The following CALML4 variants were observed in gnomAD, a reference collection of about 807,000 sequenced individuals.
CALML4 encodes the protein calmodulin-like protein 4.
A neutral mutation model predicts 17.9 loss-of-function variants in CALML4; 16 were observed. That is an observed-to-expected ratio of 0.89 (90% CI 0.61 to 1.36). The LOEUF (loss-of-function observed/expected upper bound fraction) is 1.36. CALML4 is among the 40% of genes most tolerant of loss of function. The pLI is 0.00. For synonymous variants in CALML4, 86 were observed against 71.5 expected (o/e 1.20, Z -1.02); for missense variants, 203 against 194.8 (o/e 1.04, Z -0.25).
intron 4 of CALML4, among the ~76,000 whole-genome samples, chr15:68,196,066 G>A (rs2093143040): frequency 6.6e-6 from 1 of 152,126 alleles, no homozygotes; most frequent in African/African-American, 2.4e-5. Flanking sequence ...ATTTATTTAT[G>A]GAGATAAAGT....
In CALML4 at chr15:68,204,770, C is replaced by T. The variant is rs1006184976; in HGVS notation, c.34+351G>A. 6.6e-6 allele frequency among the ~76,000 whole-genome samples: 1 copy of T among 152,094 alleles called. No homozygotes were observed. Among genetic ancestry groups the T allele is most frequent in the African/African-American group, 2.4e-5 (1 of 41,396 alleles). On this transcript the variant is annotated intron_variant, in intron 2 of 4. Coordinates refer to ENST00000467889, the MANE Select transcript of CALML4 (RefSeq NM_033429.3). This position sits in a 1 kb window ranked among gnomAD's most constrained non-coding sequence, Gnocchi z 6.0. ...CTCTGTTCTGTCTCAATTACAAAGC[C>T]CCTCCTCTTTCCCTGCTGCCAGCCA... is the stretch of plus-strand genomic sequence containing the variant.
chr15:68,197,651 A>C lies in CALML4; in HGVS notation c.176-23T>G. 6.2e-7 allele frequency: 1 copy of C among 1,609,226 alleles called. No individual in the cohort carries two copies. The highest frequency in any genetic ancestry group is 8.5e-7 in the Non-Finnish European group (1 of 1,177,150). ...CGTCTAGGAAACCCGCAAACACAGC[A>C]GAGTGAGCAGAGGGAAAAAGACTCC... On this transcript the variant is annotated intron_variant, in intron 3 of 4. Coordinates refer to ENST00000467889, the MANE Select transcript of CALML4 (RefSeq NM_033429.3). The surrounding 1 kb of genome is among the most constrained non-coding windows in gnomAD (Gnocchi z 4.1).
At position 68,199,669 on chromosome 15, in the gene CALML4, C is replaced by A. The variant is rs1285005072; in HGVS notation, c.47G>T (p.Cys16Phe). Residue 16 changes from cysteine (C) to phenylalanine (F), a missense_variant, in exon 3 of 5, where the codon TGC (cysteine) becomes TTC (phenylalanine). Cys to Phe is a radical substitution (Grantham distance 205). Coordinates refer to ENST00000467889, the MANE Select transcript of CALML4 (RefSeq NM_033429.3). ...SQDQINEYKECFSLYDKQQRG... is the reference protein window; with the variant it reads ...SQDQINEYKEFFSLYDKQQRG... ...CTGCTGCTTGTCATACAGGGAGAAGCATTCCTTGTACTCTGCACACGGCCC... is the reference window on the plus strand; with the variant it reads ...CTGCTGCTTGTCATACAGGGAGAAGAATTCCTTGTACTCTGCACACGGCCC... The A allele has an allele frequency of 6.2e-7, 1 of 1,613,296 alleles. No homozygotes were observed. The highest frequency in any genetic ancestry group is 8.5e-7 in the Non-Finnish European group (1 of 1,179,928).
At chr15:68,195,176 G>A (rs1172473580) in intron 4 of CALML4, among the ~76,000 whole-genome samples, 1 of 152,124 alleles carries the variant, frequency 6.6e-6, no homozygotes. Context: ...GCCTCTTGGG[G>A]TCAACCTACC....
In CALML4 at chr15:68,191,750, G is replaced by A. The variant is rs1210084238; in HGVS notation, c.*2265C>T. 6.6e-6 allele frequency: 1 copy of A among 152,234 alleles called. No individual in the cohort carries two copies. Among genetic ancestry groups the A allele is most frequent in the African/African-American group, 2.4e-5 (1 of 41,444 alleles). 9.4% of individuals were successfully genotyped at this position (152,234 alleles called of 1,614,324 possible). A position where few individuals can be genotyped will look rare whatever the true frequency, so the allele number is the denominator to read the frequency against. On this transcript the variant is annotated 3_prime_UTR_variant, in exon 5 of 5. Transcript: ENST00000467889. ...GGCCTTCTTGTAAACAACACTAGGT[G>A]CTAGAGAAACCAGCTGGAATTTCAG... is the stretch of plus-strand genomic sequence containing the variant.
chr15:68,197,553 T>G lies in CALML4; in HGVS notation c.251A>C (p.Lys84Thr), dbSNP rs773307046. The G allele has an allele frequency of 6.2e-7, 1 of 1,614,190 alleles. No homozygotes were observed. Among genetic ancestry groups the G allele is most frequent in the Non-Finnish European group, 8.5e-7 (1 of 1,180,040 alleles). ...HMQIKQEDPK[K>T]EILLAMLMVD... ...CATCAACATGGCTAGAAGAATTTCT[T>G]TCTTTGGGTCTTCTTGTTTTATTTG... Residue 84 changes from lysine (K) to threonine (T), a missense_variant, in exon 4 of 5, where the codon AAA becomes ACA. Lys to Thr is a moderately conservative substitution (Grantham distance 78, BLOSUM62 -1). Coordinates refer to ENST00000467889, the MANE Select transcript of CALML4 (RefSeq NM_033429.3). This position sits in a 1 kb window ranked among gnomAD's most constrained non-coding sequence, Gnocchi z 4.1.
rs1034955144 is a variant in CALML4, at chr15:68,192,212, G to GC, written c.*1802dup. The GC allele has an allele frequency of 1.3e-5, 2 of 151,872 alleles. No homozygotes were observed. Among genetic ancestry groups the GC allele is most frequent in the Non-Finnish European group, 2.9e-5 (2 of 67,996 alleles). The allele number at this position is 151,872 out of a possible 1,614,324, so 9.4% of individuals were successfully genotyped here. A position where few individuals can be genotyped will look rare whatever the true frequency, so the allele number is the denominator to read the frequency against. ...TGACTGGAGCTCAAAAGAACTGTGG[G>GC]CCTAGGACCTTTGAGCTTTGCCTGA... On this transcript the variant is annotated 3_prime_UTR_variant, in exon 5 of 5. Coordinates refer to ENST00000467889, the MANE Select transcript of CALML4 (RefSeq NM_033429.3).
Position 68,191,666 on chromosome 15 carries a change from C to G in CALML4, c.*2349G>C, listed in dbSNP as rs899996984. ...CCCTTTCTTGTTGAAATATGGCTAA[C>G]TCTTTAATAAATCACAGCATCTGTT... On this transcript the variant is annotated 3_prime_UTR_variant, in exon 5 of 5. Coordinates refer to ENST00000467889, the MANE Select transcript of CALML4 (RefSeq NM_033429.3). 3 of 152,556 alleles carry G rather than the reference C, an allele frequency of 2.0e-5. No individual in the cohort carries two copies. The highest frequency in any genetic ancestry group is 4.4e-5 in the Non-Finnish European group (3 of 68,034). The allele number at this position is 152,556 out of a possible 1,614,324, so 9.5% of individuals were successfully genotyped here.
intron 2 of CALML4, among the ~76,000 whole-genome samples, chr15:68,201,476 C>T (rs2093165466): frequency 6.6e-6 from 1 of 152,234 alleles, no homozygotes; most frequent in Admixed American, 6.5e-5. Context: ...CTCATGGCCA[C>T]CCTCACCTTG....
rs2093116868 is a variant in CALML4 at position 68,190,961 on chromosome 15, T to A, written c.*3054A>T. 1 of 152,256 alleles carries A rather than the reference T, an allele frequency of 6.6e-6. No homozygotes were observed. The highest frequency in any genetic ancestry group is 6.5e-5 in the Admixed American group (1 of 15,276). The allele number at this position is 152,256 out of a possible 1,614,324, so 9.4% of individuals were successfully genotyped here. A position where few individuals can be genotyped will look rare whatever the true frequency, so the allele number is the denominator to read the frequency against. On this transcript the variant is annotated 3_prime_UTR_variant, in exon 5 of 5. Transcript: ENST00000467889. The surrounding 1 kb of genome is among the most constrained non-coding windows in gnomAD (Gnocchi z 4.7). ...AAATGGAGTGAAAATATATCCTAAC[T>A]AAATTAATGTGGAAAGAGCATTTTT...
intron 4 of CALML4, among the ~76,000 whole-genome samples, chr15:68,196,885 C>T (rs1411269077): frequency 6.6e-6 from 1 of 152,224 alleles, no homozygotes; most frequent in East Asian, 1.9e-4. Flanking sequence ...AAAGTTCCCT[C>T]TGGAGCCCCT....
Position 68,192,192 on chromosome 15 carries a change from G to A in CALML4, c.*1823C>T, listed in dbSNP as rs1405226419. ...GATTTACTTCCTAATGTCCATGACT[G>A]GAGCTCAAAAGAACTGTGGGCCTAG... is the stretch of plus-strand genomic sequence containing the variant. On this transcript the variant is annotated 3_prime_UTR_variant, in exon 5 of 5. Transcript: ENST00000467889. 1 of 151,982 alleles carries A rather than the reference G, an allele frequency of 6.6e-6. No individual in the cohort carries two copies. The highest frequency in any genetic ancestry group is 1.9e-4 in the East Asian group (1 of 5,180). 9.4% of individuals were successfully genotyped at this position (151,982 alleles called of 1,614,324 possible).
At position 68,197,756 on chromosome 15, in the gene CALML4, T is replaced by A; in HGVS notation, c.176-128A>T. On this transcript the variant is annotated intron_variant, in intron 3 of 4. Transcript: ENST00000467889. This position sits in a 1 kb window ranked among gnomAD's most constrained non-coding sequence, Gnocchi z 4.1. The stretch of plus-strand genomic sequence containing the variant: ...ACCAGGGAATGCCAGGATGTGGCAG[T>A]GGTCACAGTGAAGAGGATGCATCCC... 1 of 783,126 alleles carries A rather than the reference T, an allele frequency of 1.3e-6. No homozygotes were observed. The highest frequency in any genetic ancestry group is 2.0e-6 in the Non-Finnish European group (1 of 489,736). 48.5% of individuals were successfully genotyped at this position (783,126 alleles called of 1,614,324 possible).
rs758474943 is a variant in CALML4, at chr15:68,193,129, C to G, written c.*886G>C. The G allele has an allele frequency of 6.6e-6, 1 of 152,318 alleles. No individual in the cohort carries two copies. The highest frequency in any genetic ancestry group is 1.5e-5 in the Non-Finnish European group (1 of 68,126). The allele number at this position is 152,318 out of a possible 1,614,324, so 9.4% of individuals were successfully genotyped here. A position where few individuals can be genotyped will look rare whatever the true frequency, so the allele number is the denominator to read the frequency against. ...TAAGTCCTGGGGAGGTGGCTTAAGG[C>G]AATGACCAGTGTGGGCCACTTGAGC... On this transcript the variant is annotated 3_prime_UTR_variant, in exon 5 of 5. Coordinates refer to ENST00000467889, the MANE Select transcript of CALML4 (RefSeq NM_033429.3).
chr15:68,205,064 T>G lies in CALML4; in HGVS notation c.34+57A>C. 6.3e-7 allele frequency: 1 copy of G among 1,590,106 alleles called. No individual in the cohort carries two copies. Among genetic ancestry groups the G allele is most frequent in the East Asian group, 2.2e-5 (1 of 44,714 alleles). On this transcript the variant is annotated intron_variant, in intron 2 of 4. Coordinates refer to ENST00000467889, the MANE Select transcript of CALML4 (RefSeq NM_033429.3). The surrounding 1 kb of genome is among the most constrained non-coding windows in gnomAD (Gnocchi z 4.8). The stretch of plus-strand genomic sequence containing the variant: ...CCAAGAAAACATGAGCAGAGCAAAT[T>G]GCCTAATGAGACCCATATTTTGCTG...
At position 68,193,963 on chromosome 15, in the gene CALML4, A is replaced by ATTAATTGCTCCAAG; in HGVS notation, c.*38_*51dup. On this transcript the variant is annotated 3_prime_UTR_variant, in exon 5 of 5. Transcript: ENST00000467889. ...GTGAAAAGAACACTTTTTAAAAAAA[A>ATTAATTGCTCCAAG]TTAATTGCTCCAAGTTTTCAGGCCC... 1 of 1,374,340 alleles carries ATTAATTGCTCCAAG rather than the reference A, an allele frequency of 7.3e-7. No homozygotes were observed. Among genetic ancestry groups the ATTAATTGCTCCAAG allele is most frequent in the Non-Finnish European group, 1.0e-6 (1 of 972,144 alleles). 85.1% of individuals were successfully genotyped at this position (1,374,340 alleles called of 1,614,324 possible).
rs1013842170 is a variant in CALML4 at position 68,193,671 on chromosome 15, T to G, written c.*344A>C. The G allele has an allele frequency of 5.8e-5, 13 of 225,596 alleles. No individual in the cohort carries two copies. The highest frequency in any genetic ancestry group is 2.3e-4 in the African/African-American group (10 of 44,110). The allele number at this position is 225,596 out of a possible 1,614,324, so 14.0% of individuals were successfully genotyped here. The stretch of plus-strand genomic sequence containing the variant: ...GTAAGAAGTGGGAATCCAGCTTGTG[T>G]GGGGGGGCTTTGAGGAGTGAAATGA... On this transcript the variant is annotated 3_prime_UTR_variant, in exon 5 of 5. Transcript: ENST00000467889.
chr15:68,202,681 T>C (rs1483648070), intron 2 of CALML4, among the ~76,000 whole-genome samples: 3 of 151,098 alleles, frequency 2.0e-5, no homozygotes, highest in African/African-American at 7.3e-5. Flanking sequence ...TTTGCTCTTG[T>C]TGCCCAGGCT....
In CALML4 at chr15:68,197,805, G is replaced by T. The variant is rs2141125463; in HGVS notation, c.176-177C>A. 5.0e-6 allele frequency: 3 copies of T among 594,164 alleles called. No individual in the cohort carries two copies. Among genetic ancestry groups the T allele is most frequent in the Non-Finnish European group, 9.0e-6 (3 of 334,982 alleles). The allele number at this position is 594,164 out of a possible 1,614,324, so 36.8% of individuals were successfully genotyped here. On this transcript the variant is annotated intron_variant, in intron 3 of 4. Transcript: ENST00000467889. The surrounding 1 kb of genome is among the most constrained non-coding windows in gnomAD (Gnocchi z 4.1). The stretch of plus-strand genomic sequence containing the variant: ...CCCTCCCACCGAGTTCCCACGACAG[G>T]CCCCTCACTGGACTGGACATTCTTC...
Sources: gnomAD v4.1 joint callset for allele counts (sites outside exome capture counted in the v4.1 genomes callset) on GRCh38, gnomAD v4.1.1 for gene constraint, Gnocchi (gnomAD v3.1) non-coding constraint, MANE v1.5 for transcripts, NCBI Gene and HGNC (gene_info 2026-07-23, HGNC 2026-07-21) for gene names.